PPP2R5C: variants seen among roughly 807,000 people sequenced by gnomAD.
The protein encoded by PPP2R5C is protein phosphatase 2 regulatory subunit B'gamma.
A neutral mutation model predicts 68.9 loss-of-function variants in PPP2R5C; 7 were observed. The ratio of observed to expected loss-of-function variants is 0.10; its 90% CI spans 0.06 to 0.19. The LOEUF (loss-of-function observed/expected upper bound fraction) is 0.19. Among genes scored for constraint, PPP2R5C ranks in the 10% least tolerant of loss-of-function variants. The pLI is 1.00. For synonymous variants in PPP2R5C, 210 were observed against 222.2 expected, an observed-to-expected ratio of 0.95 and a Z score of 0.49; for missense variants, 348 against 641.3, an observed-to-expected ratio of 0.54 and a Z score of 4.94.
chr14:101,826,180 T>C (rs933285309), intron 1 of PPP2R5C, among the ~76,000 whole-genome samples: 1 of 150,222 alleles, frequency 6.7e-6, no homozygotes, highest in African/African-American at 2.5e-5. Context: ...TGATTTGTTT[T>C]CTGTCTCCTA....
intron 3 of PPP2R5C, among the ~76,000 whole-genome samples, chr14:101,786,461 G>C (rs1280572079): frequency 6.6e-6 from 1 of 152,024 alleles, no homozygotes; most frequent in Non-Finnish European, 1.5e-5. Flanking sequence ...TTTATTTATG[G>C]TATTAAGCTA....
At chr14:101,910,786 T>G (rs1357780070) in intron 11 of PPP2R5C, among the ~76,000 whole-genome samples, 2 of 145,008 alleles carry the variant, frequency 1.4e-5, no homozygotes, top group Non-Finnish European at 3.0e-5. Flanking sequence ...GCTAACACAA[T>G]GAAACCCCGT....
At chr14:101,908,899 C>T (rs1018028248) in intron 10 of PPP2R5C, among the ~76,000 whole-genome samples, 1 of 152,176 alleles carries the variant, frequency 6.6e-6, no homozygotes, top group African/African-American at 2.4e-5. Context: ...TTGAGGGTTA[C>T]GTTTTTTGGG....
At position 101,906,764 on chromosome 14, in the gene PPP2R5C, T is replaced by G. The variant is rs982096342; in HGVS notation, c.1151+235T>G. 1.3e-5 allele frequency: 6 copies of G among 474,232 alleles called. No individual in the cohort carries two copies. The Admixed American group carries it at 2.4e-4, about 19-fold the overall frequency. 29.4% of individuals were successfully genotyped at this position (474,232 alleles called of 1,614,324 possible). On this transcript the variant is annotated intron_variant, in intron 10 of 13. Transcript: ENST00000334743. This position sits in a 1 kb window ranked among gnomAD's most constrained non-coding sequence, Gnocchi z 4.0. Reference sequence around the variant, plus strand: ...AGAGGCACATTGGTTTGCAGCCACCTCCCAGTAGCAGCAGTTTCTAGGCCT... The same window carrying G: ...AGAGGCACATTGGTTTGCAGCCACCGCCCAGTAGCAGCAGTTTCTAGGCCT...
intron 2 of PPP2R5C, among the ~76,000 whole-genome samples, chr14:101,776,282 CTGAG>C (rs1304462297): frequency 1.3e-5 from 2 of 152,166 alleles, no homozygotes; most frequent in East Asian, 1.9e-4. Context: ...TCTCCCCTCA[CTGAG>C]TGAGTTCCCT....
intron 13 of PPP2R5C, 91 bp downstream of exon 15, chr14:101,918,038 T>C: frequency 6.4e-7 from 1 of 1,551,678 alleles, no homozygotes; most frequent in Non-Finnish European, 8.7e-7. Flanking sequence ...CATCAGTGCC[T>C]TCTGTTTAAG....
chr14:101,874,035 T>G (rs1170062735), intron 2 of PPP2R5C, among the ~76,000 whole-genome samples: 1 of 152,248 alleles, frequency 6.6e-6, no homozygotes, highest in Non-Finnish European at 1.5e-5. Context: ...TCATTTATAA[T>G]AGATACTCAA....
intron 3 of PPP2R5C, chr14:101,796,580 A>C: frequency 6.5e-6 from 1 of 153,434 alleles, no homozygotes; most frequent in Non-Finnish European, 1.4e-5. Context: ...CACCAGGGCC[A>C]CTCCCTCTTC....
At chr14:101,881,957 G>A (rs927164512) in intron 2 of PPP2R5C, among the ~76,000 whole-genome samples, 1 of 152,166 alleles carries the variant, frequency 6.6e-6, no homozygotes, top group Admixed American at 6.5e-5. Flanking sequence ...ACTTGCGTGC[G>A]CACCTGTCCA....
chr14:101,823,825 G>T (rs910925416), intron 1 of PPP2R5C: 4 of 1,189,868 alleles, frequency 3.4e-6, no homozygotes, highest in Non-Finnish European at 4.3e-6. Context: ...TATCTACACG[G>T]TACTTTCTGC....
chr14:101,894,474 A>G, intron 7 of PPP2R5C, 33 bp from the exon 10 acceptor site: 1 of 1,601,034 alleles, frequency 6.2e-7, no homozygotes. Context: ...TTTATGTTGA[A>G]ATGTTAATGC....
chr14:101,765,163 C>G (rs2036786185), intron 2 of PPP2R5C: 1 of 702,742 alleles, frequency 1.4e-6, no homozygotes. Flanking sequence ...GTGCTACTGT[C>G]TAAGAGCTGG....
At chr14:101,845,761 G>T (rs777690410) in intron 1 of PPP2R5C, among the ~76,000 whole-genome samples, 19 of 152,146 alleles carry the variant, frequency 1.2e-4, no homozygotes, top group Non-Finnish European at 2.4e-4. Context: ...CCCCAGCTTG[G>T]TCCTGGGGTT....
At chr14:101,924,824 T>C (rs577379084) in intron 13 of PPP2R5C, among the ~76,000 whole-genome samples, 4 of 152,296 alleles carry the variant, frequency 2.6e-5, no homozygotes, top group African/African-American at 9.6e-5. Flanking sequence ...AGGAGGTTAC[T>C]TAGGAAATTT....
chr14:101,850,121 G>A (rs1298576160), intron 1 of PPP2R5C, among the ~76,000 whole-genome samples: 1 of 149,578 alleles, frequency 6.7e-6, no homozygotes, highest in Non-Finnish European at 1.5e-5. Flanking sequence ...TCAAATCAAT[G>A]GTTAGCTAGT....
At position 101,848,537 on chromosome 14, in the gene PPP2R5C, CAAA is replaced by C. The variant is rs534732392; in HGVS notation, c.95-8139_95-8137del. On this transcript the variant is annotated intron_variant, in intron 1 of 13. Coordinates refer to ENST00000334743, the Ensembl canonical transcript of PPP2R5C. ...TGGGCAACAGAGCGAGACTCTGTCT[CAAA>C]AAAAAAAAAGAAAGAAAGAAAGAAA... is the stretch of plus-strand genomic sequence containing the variant. Among the ~76,000 whole-genome samples, 3 of 136,812 alleles carry C rather than the reference CAAA, an allele frequency of 2.2e-5. No homozygotes were observed. The Admixed American group carries it at 2.2e-4, about 10-fold the overall frequency. 89.8% of individuals were successfully genotyped at this position (136,812 alleles called of 152,430 possible). A position where few individuals can be genotyped will look rare whatever the true frequency, so the allele number is the denominator to read the frequency against.
In PPP2R5C at chr14:101,899,339, T is replaced by C. The variant is rs1399940833; in HGVS notation, c.853-2380T>C. On this transcript the variant is annotated intron_variant, in intron 8 of 13. Transcript: ENST00000334743. This position sits in a 1 kb window ranked among gnomAD's most constrained non-coding sequence, Gnocchi z 4.2. Reference sequence around the variant, plus strand: ...CCCCAAGACTCAAGGCTGGGGCCACTGGCTCGCCTGCCCTCTGCAGGGAGC... The same window carrying C: ...CCCCAAGACTCAAGGCTGGGGCCACCGGCTCGCCTGCCCTCTGCAGGGAGC... Among the ~76,000 whole-genome samples, 1 of 152,220 alleles carries C rather than the reference T, an allele frequency of 6.6e-6. No homozygotes were observed. The highest frequency in any genetic ancestry group is 1.5e-5 in the Non-Finnish European group (1 of 68,024).
chr14:101,805,352 G>A (rs371602236), upstream of PPP2R5C, among the ~76,000 whole-genome samples: 1 of 152,222 alleles, frequency 6.6e-6, no homozygotes, highest in Non-Finnish European at 1.5e-5. Context: ...TTACAGGTGT[G>A]AGCCACCACA....
chr14:101,760,891 G>A (rs867169855), upstream of PPP2R5C, among the ~76,000 whole-genome samples: 267 of 95,056 alleles, frequency 2.8e-3, 8 homozygotes, highest in African/African-American at 0.012. Context: ...CGAGGAGAGG[G>A]GTTGGTCGAG....
Sources: allele counts gnomAD v4.1 joint callset (sites outside exome capture counted in the v4.1 genomes callset), GRCh38; gene constraint gnomAD v4.1.1; non-coding constraint Gnocchi (gnomAD v3.1); transcripts MANE v1.5; gene names NCBI Gene and HGNC (gene_info 2026-07-23, HGNC 2026-07-21).